RAB11FIP4: variants seen among roughly 807,000 people sequenced by gnomAD.
The protein encoded by RAB11FIP4 is RAB11 family interacting protein 4.
RAB11FIP4 carries 23 observed loss-of-function variants against 74.3 expected under a neutral mutation model. That is an observed-to-expected ratio of 0.31 (90% confidence interval 0.22 to 0.44). The LOEUF (loss-of-function observed/expected upper bound fraction) is 0.44. Among genes scored for constraint, RAB11FIP4 ranks in the 20% least tolerant of loss-of-function variants. The probability of loss-of-function intolerance (pLI) is 1.00; values close to 1 mark genes in which losing one functional copy is unlikely to be tolerated. For missense variants in RAB11FIP4, 630 were observed against 863.9 expected (o/e 0.73, Z 3.39); for synonymous variants, 360 against 359.9 (o/e 1.00, Z 0.00).
chr17:31,515,372 C>T (rs937693486), intron 3 of RAB11FIP4, among the ~76,000 whole-genome samples: 2 of 151,674 alleles, frequency 1.3e-5, no homozygotes, highest in Non-Finnish European at 2.9e-5. Context: ...CTGCTGTTGG[C>T]GTGCCCGGCT....
At position 31,530,383 on chromosome 17, in the gene RAB11FIP4, A is replaced by G; in HGVS notation, c.1711A>G (p.Ser571Gly). Residue 571 changes from serine (S) to glycine (G), a missense_variant, in exon 14 of 15, where the codon AGC becomes GGC. By Grantham distance (56) the Ser-to-Gly change is moderately conservative (BLOSUM62 0). Transcript: ENST00000621161. ...DDLNGQILSL[S>G]LYEAKNLFAA... The stretch of plus-strand genomic sequence containing the variant: ...CTTGAATGGGCAGATTTTGAGCCTC[A>G]GCCTCTACGAAGCAAAAAACCTCTT... 6.2e-7 allele frequency: 1 copy of G among 1,614,166 alleles called. No individual in the cohort carries two copies. The highest frequency in any genetic ancestry group is 8.5e-7 in the Non-Finnish European group (1 of 1,180,018).
chr17:31,418,793 T>G (rs185174897), intron 1 of RAB11FIP4, among the ~76,000 whole-genome samples: 3 of 152,222 alleles, frequency 2.0e-5, no homozygotes, highest in Non-Finnish European at 4.4e-5. Context: ...TAAAGAAAAA[T>G]TTTAAAAAAT....
chr17:31,397,238 G>C (rs1387381576), intron 1 of RAB11FIP4, among the ~76,000 whole-genome samples: 1 of 152,216 alleles, frequency 6.6e-6, no homozygotes, highest in Non-Finnish European at 1.5e-5. Context: ...GTTCCCTGTA[G>C]GCAGTGAGAC....
chr17:31,397,037 A>G (rs1279566676), intron 1 of RAB11FIP4, among the ~76,000 whole-genome samples: 1 of 152,154 alleles, frequency 6.6e-6, no homozygotes, highest in Non-Finnish European at 1.5e-5. Flanking sequence ...GGATGGGCTG[A>G]GACCGGCCAG....
chr17:31,492,802 T>A (rs527704319), intron 3 of RAB11FIP4, among the ~76,000 whole-genome samples: 1 of 152,120 alleles, frequency 6.6e-6, no homozygotes, highest in East Asian at 1.9e-4. Context: ...CAGCTGGCCT[T>A]GCTCAGAGGG....
At chr17:31,508,696 T>A (rs980710864) in intron 3 of RAB11FIP4, among the ~76,000 whole-genome samples, 3 of 120,270 alleles carry the variant, frequency 2.5e-5, no homozygotes, top group African/African-American at 1.0e-4. Context: ...TGTCTTTAGA[T>A]CCCTTAGTAC....
chr17:31,528,900 A>C, intron 13 of RAB11FIP4, 122 bp downstream of exon 13: 1 of 1,156,748 alleles, frequency 8.6e-7, no homozygotes, highest in Non-Finnish European at 1.2e-6. Context: ...TCTGCTTCTC[A>C]GCAACCTGTT....
chr17:31,489,665 C>G (rs1275080430), intron 3 of RAB11FIP4, among the ~76,000 whole-genome samples: 1 of 152,144 alleles, frequency 6.6e-6, no homozygotes. Flanking sequence ...CTGGGCCTGC[C>G]CAGCTCTTCT....
chr17:31,493,738 C>G (rs73988072), intron 3 of RAB11FIP4, among the ~76,000 whole-genome samples: 3,023 of 151,964 alleles, frequency 0.02, 87 homozygotes, highest in African/African-American at 0.069. Flanking sequence ...TTTGGACAGG[C>G]GACCTCACCC....
intron 8 of RAB11FIP4, 44 bp from the exon 9 acceptor site, chr17:31,523,848 TG>T: frequency 6.9e-7 from 1 of 1,442,088 alleles, no homozygotes; most frequent in Non-Finnish European, 9.7e-7. Flanking sequence ...CTCGGTTCTG[TG>T]GCCTCAGAGG....
chr17:31,506,517 T>C (rs1276650923), intron 3 of RAB11FIP4, among the ~76,000 whole-genome samples: 2 of 152,218 alleles, frequency 1.3e-5, no homozygotes. Context: ...TTCGTGCCTG[T>C]TGACCAACCT....
chr17:31,518,356 CAA>C (rs35489930), intron 4 of RAB11FIP4: 11,164 of 69,882 alleles, frequency 0.16, 489 homozygotes, highest in South Asian at 0.26. Flanking sequence ...GACCCTGTCT[CAA>C]AAAAAAAAAA....
intron 3 of RAB11FIP4, among the ~76,000 whole-genome samples, chr17:31,469,243 G>A (rs960510638): frequency 2.0e-5 from 3 of 152,160 alleles, no homozygotes; most frequent in Non-Finnish European, 4.4e-5. Flanking sequence ...GGAACCAATG[G>A]CCCCTCTTAA....
Position 31,527,943 on chromosome 17 carries a change from T to A in RAB11FIP4, c.1356+20T>A, listed in dbSNP as rs768200452. ...GATGAGGTGAGCAGCAGATCCAGGC[T>A]TGGAGGGGCAGGGCTGGCCATCGGG... On this transcript the variant is annotated intron_variant, in intron 11 of 14. Coordinates refer to ENST00000621161, the MANE Select transcript of RAB11FIP4 (RefSeq NM_032932.6). The A allele has an allele frequency of 5.1e-6, 8 of 1,572,170 alleles. No individual in the cohort carries two copies. The highest frequency in any genetic ancestry group is 1.3e-5 in the African/African-American group (1 of 74,510).
At chr17:31,450,635 G>T (rs987627500) in intron 3 of RAB11FIP4, among the ~76,000 whole-genome samples, 1 of 151,890 alleles carries the variant, frequency 6.6e-6, no homozygotes, top group African/African-American at 2.4e-5. Context: ...TTTAAATGGC[G>T]CTGGGTCTCA....
chr17:31,450,348 A>C (rs2142702258), intron 3 of RAB11FIP4, among the ~76,000 whole-genome samples: 1 of 135,258 alleles, frequency 7.4e-6, no homozygotes, highest in South Asian at 2.2e-4. Flanking sequence ...TATTATTATT[A>C]TTATTATTAT....
chr17:31,524,042 A>G, intron 9 of RAB11FIP4, 46 bp downstream of exon 9: 4 of 1,406,580 alleles, frequency 2.8e-6, no homozygotes, highest in Non-Finnish European at 4.0e-6. Flanking sequence ...ACGCTGGGGA[A>G]CAAAGGGGGG....
chr17:31,436,660 G>A (rs867790212), intron 3 of RAB11FIP4, among the ~76,000 whole-genome samples: 5 of 152,176 alleles, frequency 3.3e-5, no homozygotes, highest in African/African-American at 4.8e-5. Context: ...GAAAGACCGC[G>A]TCAGCCTATC....
chr17:31,490,939 C>T (rs2071995419), intron 3 of RAB11FIP4, among the ~76,000 whole-genome samples: 1 of 152,242 alleles, frequency 6.6e-6, no homozygotes, highest in African/African-American at 2.4e-5. Context: ...ATACAGAACC[C>T]CTGGGGCTGG....
Sources: allele counts gnomAD v4.1 joint callset (sites outside exome capture counted in the v4.1 genomes callset), GRCh38; gene constraint gnomAD v4.1.1; transcripts MANE v1.5; gene names NCBI Gene and HGNC (gene_info 2026-07-23, HGNC 2026-07-21).